The following CRHR2 variants were observed in gnomAD, a reference collection of about 807,000 sequenced individuals.
CRHR2 encodes the protein corticotropin-releasing hormone receptor 2.
Under a neutral mutation model 57.9 loss-of-function variants are expected in CRHR2, and 53 were observed. That is an observed-to-expected ratio of 0.92 (90% CI 0.73 to 1.15). The LOEUF (loss-of-function observed/expected upper bound fraction) is 1.15. Among genes scored for constraint, CRHR2 ranks in the 50% most tolerant of loss-of-function variants. The probability of loss-of-function intolerance (pLI) is 0.00; values close to 1 mark genes in which losing one functional copy is unlikely to be tolerated. For synonymous variants in CRHR2, 213 were observed against 220.9 expected (o/e 0.96, Z 0.32); for missense variants, 532 against 542.6 (o/e 0.98, Z 0.19).
In CRHR2 at chr7:30,665,006, C is replaced by T. The variant is rs1163393907; in HGVS notation, c.543+64G>A. 11 of 1,336,968 alleles carry T rather than the reference C, an allele frequency of 8.2e-6. No individual in the cohort carries two copies. Among genetic ancestry groups the T allele is most frequent in the Non-Finnish European group, 1.2e-5 (11 of 928,144 alleles). The allele number at this position is 1,336,968 out of a possible 1,614,324, so 82.8% of individuals were successfully genotyped here. On this transcript the variant is annotated intron_variant, in intron 5 of 11. Transcript: ENST00000471646. The surrounding 1 kb of genome is among the most constrained non-coding windows in gnomAD (Gnocchi z 4.5). ...GGGGTCCAAGCAGAGACCAGACAGA[C>T]AGATGGGTGCCCCCGGAGCCCAGAG...
Position 30,693,848 on chromosome 7 carries a change from C to T in CRHR2, c.-260-4564G>A, listed in dbSNP as rs368126857. Reference sequence around the variant, plus strand: ...AATTGCTTGGGGCAGAAAATCCACACTTTTGGTGTCAGAGGTGTGTAAGAG... The same window carrying T: ...AATTGCTTGGGGCAGAAAATCCACATTTTTGGTGTCAGAGGTGTGTAAGAG... On this transcript the variant is annotated intron_variant, in intron 1 of 13. Transcript: ENST00000341843. Among the ~76,000 whole-genome samples, 219 of 152,366 alleles carry T rather than the reference C, an allele frequency of 1.4e-3. 1 individual carries two copies. Among genetic ancestry groups the T allele is most frequent in the African/African-American group, 4.6e-3 (192 of 41,598 alleles).
chr7:30,685,321 TTC>T (rs1287873659), upstream of CRHR2, among the ~76,000 whole-genome samples: 1 of 152,134 alleles, frequency 6.6e-6, no homozygotes, highest in African/African-American at 2.4e-5. Flanking sequence ...TGCACACACA[TTC>T]TCTCTCTAAT....
chr7:30,694,619 C>T (rs554992896), intron 1 of CRHR2, among the ~76,000 whole-genome samples: 4 of 152,276 alleles, frequency 2.6e-5, no homozygotes, highest in East Asian at 3.9e-4. Context: ...TGAGCTCCCT[C>T]CCTGCTTTCT....
chr7:30,664,787 C>T (rs1784121816), intron 5 of CRHR2, among the ~76,000 whole-genome samples: 1 of 152,046 alleles, frequency 6.6e-6, no homozygotes, highest in Admixed American at 6.5e-5. Flanking sequence ...GACTGGTGAA[C>T]ATCAGTCTCT....
At chr7:30,658,146 G>A (rs912753261) in intron 8 of CRHR2, among the ~76,000 whole-genome samples, 3 of 151,960 alleles carry the variant, frequency 2.0e-5, no homozygotes, top group African/African-American at 4.8e-5. Context: ...ACCACCACAG[G>A]TACCTTCCTC....
Position 30,667,303 on chromosome 7 carries a change from A to T in CRHR2, c.240T>A (p.Tyr80Ter), listed in dbSNP as rs1021391608. ...ACGTCCCATTCTCCAAGCATTCTCG[A>T]TAGGCATTCCCTACAAAAAATGCCA... ...GVKYNTTRNA[Y>*]RECLENGTWA... is the part of the protein sequence containing the mutation. The change falls in exon 3 of 12, where the codon TAT (tyrosine) becomes TAA (stop). Residue 80 changes from tyrosine (Y) to a stop codon, truncating the protein, a stop_gained. Transcript: ENST00000471646. LOFTEE classifies it high-confidence loss of function. 1 of 1,614,052 alleles carries T rather than the reference A, an allele frequency of 6.2e-7. No individual in the cohort carries two copies. Among genetic ancestry groups the T allele is most frequent in the African/African-American group, 1.3e-5 (1 of 74,926 alleles).
intron 1 of CRHR2, among the ~76,000 whole-genome samples, chr7:30,695,864 T>C (rs1191027993): frequency 6.6e-6 from 1 of 152,226 alleles, no homozygotes; most frequent in African/African-American, 2.4e-5. Flanking sequence ...TGAGCTCACC[T>C]CACTTCCTCA....
chr7:30,684,726 A>T (rs1410571736), upstream of CRHR2, among the ~76,000 whole-genome samples: 1 of 152,208 alleles, frequency 6.6e-6, no homozygotes, highest in Non-Finnish European at 1.5e-5. Context: ...TTATTATTAT[A>T]GGCACAGTTG....
rs1784141667 is a variant in CRHR2 at position 30,665,266 on chromosome 7, C to T, written c.426-79G>A. 2 of 1,283,496 alleles carry T rather than the reference C, an allele frequency of 1.6e-6. No individual in the cohort carries two copies. Among genetic ancestry groups the T allele is most frequent in the Non-Finnish European group, 2.3e-6 (2 of 886,684 alleles). 79.5% of individuals were successfully genotyped at this position (1,283,496 alleles called of 1,614,324 possible). On this transcript the variant is annotated intron_variant, in intron 4 of 11. Coordinates refer to ENST00000471646, the MANE Select transcript of CRHR2 (RefSeq NM_001883.5). This position sits in a 1 kb window ranked among gnomAD's most constrained non-coding sequence, Gnocchi z 4.5. ...GGTTCCCCCTGAGGCCAGGTAGAGA[C>T]TCAGCCTGGGATGAGGGCAGGGCTG...
Position 30,662,696 on chromosome 7 carries a change from C to T in CRHR2, c.695G>A (p.Trp232Ter). The T allele has an allele frequency of 1.2e-6, 2 of 1,613,412 alleles. No individual in the cohort carries two copies. The highest frequency in any genetic ancestry group is 2.7e-5 in the African/African-American group (2 of 75,056). ...LRKCLFLFIG[W>*]CIPFPIIVAW... The stretch of plus-strand genomic sequence containing the variant: ...CCTGCTGCCCCTGGGACCCTCACAC[C>T]ATCCGATGAAGAGGAAGAGGCACTT... Residue 232 changes from tryptophan to a stop codon, truncating the protein, a stop_gained and splice_region_variant, in exon 6 of 12, where the codon TGG becomes TAG. Transcript: ENST00000471646. LOFTEE classifies it high-confidence loss of function.
chr7:30,678,860 A>G (rs929875101), intron 2 of CRHR2, among the ~76,000 whole-genome samples: 8 of 152,150 alleles, frequency 5.3e-5, no homozygotes, highest in African/African-American at 1.7e-4. Flanking sequence ...CCTGCGGTCT[A>G]CCTGGGTCTG....
chr7:30,674,365 T>A (rs1784451201), intron 2 of CRHR2, among the ~76,000 whole-genome samples: 2 of 152,032 alleles, frequency 1.3e-5, no homozygotes, highest in African/African-American at 4.8e-5. Flanking sequence ...AGTGGGCTCG[T>A]CGCCATGACG....
upstream of CRHR2, among the ~76,000 whole-genome samples, chr7:30,687,240 G>A (rs926768562): frequency 1.3e-5 from 2 of 152,148 alleles, no homozygotes; most frequent in Admixed American, 1.3e-4. Context: ...GATTCCTGAA[G>A]CTCGAGGGGC....
Position 30,669,111 on chromosome 7 carries a change from A to T in CRHR2, c.230-1798T>A, listed in dbSNP as rs80339221. Among the ~76,000 whole-genome samples the T allele has an allele frequency of 4.2e-3, 647 of 152,286 alleles. 4 individuals carry two copies. Among genetic ancestry groups the T allele is most frequent in the African/African-American group, 0.015 (610 of 41,558 alleles). ...CTGATGGGGGTTTACGGTGCCTCTG[A>T]ACAGTCTATGTGAGGTGAGGCAGAC... On this transcript the variant is annotated intron_variant, in intron 2 of 11. Transcript: ENST00000471646.
intron 8 of CRHR2, among the ~76,000 whole-genome samples, chr7:30,657,083 T>TCACTCA (rs1783816619): frequency 1.4e-5 from 2 of 145,522 alleles, no homozygotes; most frequent in African/African-American, 5.1e-5. Flanking sequence ...ACACACCCAC[T>TCACTCA]CACACACACA....
At chr7:30,692,396 G>A (rs1046838415) in intron 1 of CRHR2, among the ~76,000 whole-genome samples, 2 of 152,170 alleles carry the variant, frequency 1.3e-5, no homozygotes, top group Non-Finnish European at 2.9e-5. Context: ...GGCCCCTGAA[G>A]GTGCAGCCTC....
chr7:30,685,095 C>G (rs1371828573), upstream of CRHR2, among the ~76,000 whole-genome samples: 1 of 152,156 alleles, frequency 6.6e-6, no homozygotes, highest in Non-Finnish European at 1.5e-5. Context: ...GTGACAGGTA[C>G]TTTGGAAGAC....
In CRHR2 at chr7:30,665,742, G is replaced by A. The variant is rs1784166688; in HGVS notation, c.316-103C>T. 1 of 927,820 alleles carries A rather than the reference G, an allele frequency of 1.1e-6. No homozygotes were observed. Among genetic ancestry groups the A allele is most frequent in the Non-Finnish European group, 1.7e-6 (1 of 602,842 alleles). 57.5% of individuals were successfully genotyped at this position (927,820 alleles called of 1,614,324 possible). Reference sequence around the variant, plus strand: ...CCTCTGTGTCCTGACCTTGGGGGCAGAAGTGCTCCAGGTGTCATTGCCGTG... The same window carrying A: ...CCTCTGTGTCCTGACCTTGGGGGCAAAAGTGCTCCAGGTGTCATTGCCGTG... On this transcript the variant is annotated intron_variant, in intron 3 of 11. Coordinates refer to ENST00000471646, the MANE Select transcript of CRHR2 (RefSeq NM_001883.5). The surrounding 1 kb of genome is among the most constrained non-coding windows in gnomAD (Gnocchi z 4.5).
intron 1 of CRHR2, among the ~76,000 whole-genome samples, chr7:30,698,946 T>G (rs1785112896): frequency 6.6e-6 from 1 of 152,160 alleles, no homozygotes; most frequent in South Asian, 2.1e-4. Context: ...GGGATCTGGA[T>G]TGGTTTTGTA....
Sources: gnomAD v4.1 joint callset for allele counts (sites outside exome capture counted in the v4.1 genomes callset) on GRCh38, gnomAD v4.1.1 for gene constraint, Gnocchi (gnomAD v3.1) non-coding constraint, MANE v1.5 for transcripts, NCBI Gene and HGNC (gene_info 2026-07-23, HGNC 2026-07-21) for gene names.